The following ESR1 variants were observed in gnomAD, a reference collection of about 807,000 sequenced individuals.
ESR1 encodes estrogen receptor.
A neutral mutation model predicts 52.7 loss-of-function variants in ESR1; 12 were observed. The ratio of observed to expected loss-of-function variants is 0.23; its 90% CI spans 0.15 to 0.37. The LOEUF is 0.37. ESR1 is among the 10% of genes least tolerant of loss of function. The probability of loss-of-function intolerance (pLI) is 1.00; values close to 1 mark genes in which losing one functional copy is unlikely to be tolerated. For missense variants in ESR1, 584 were observed against 779.7 expected (o/e 0.75, Z 2.99); for synonymous variants, 305 against 316.8 (o/e 0.96, Z 0.39).
chr6:151,700,252 T>G (rs1779669864), intron 1 of ESR1, among the ~76,000 whole-genome samples: 1 of 152,172 alleles, frequency 6.6e-6, no homozygotes, highest in Non-Finnish European at 1.5e-5. Flanking sequence ...CTGACTTACA[T>G]GGAGAAAACA....
At chr6:151,935,531 G>A (rs1390311041) in intron 3 of ESR1, among the ~76,000 whole-genome samples, 1 of 152,154 alleles carries the variant, frequency 6.6e-6, no homozygotes, top group African/African-American at 2.4e-5. Flanking sequence ...ATGCAGGTGG[G>A]GCCCAGGTCA....
intron 4 of ESR1, among the ~76,000 whole-genome samples, chr6:151,997,561 T>C (rs1381335292): frequency 6.6e-6 from 1 of 152,134 alleles, no homozygotes. Context: ...ACTGCTAATA[T>C]GGATGCATTG....
intron 6 of ESR1, among the ~76,000 whole-genome samples, chr6:152,091,989 G>A (rs2050222204): frequency 6.6e-6 from 1 of 152,190 alleles, no homozygotes; most frequent in African/African-American, 2.4e-5. Context: ...AGGCTCTAGG[G>A]GATGTGAGGC....
rs114526595 is a variant in ESR1 at position 152,017,026 on chromosome 6, A to G, written c.1235+5232A>G. Among the ~76,000 whole-genome samples the G allele has an allele frequency of 4.9e-3, 751 of 152,294 alleles. 3 individuals carry two copies. Among genetic ancestry groups the G allele is most frequent in the African/African-American group, 0.017 (714 of 41,574 alleles). ...CAAATCTTTGCAAATCTAGGCATTT[A>G]TAAGACTATCCTGTAGGTCCCTTAC... On this transcript the variant is annotated intron_variant, in intron 5 of 7. Coordinates refer to ENST00000206249, the MANE Select transcript of ESR1 (RefSeq NM_000125.4).
chr6:152,101,629 T>C lies in ESR1; in HGVS notation c.*2663T>C, dbSNP rs2050968043. ...AGATATTTTCTGGCTGATGTTGGTA[T>C]TGGGTGTAGGAACATGATTTAAAAA... On this transcript the variant is annotated 3_prime_UTR_variant, in exon 8 of 8. Transcript: ENST00000206249. 2 of 230,742 alleles carry C rather than the reference T, an allele frequency of 8.7e-6. No individual in the cohort carries two copies. Among genetic ancestry groups the C allele is most frequent in the South Asian group, 3.6e-4 (2 of 5,482 alleles). 14.3% of individuals were successfully genotyped at this position (230,742 alleles called of 1,614,324 possible). A position where few individuals can be genotyped will look rare whatever the true frequency, so the allele number is the denominator to read the frequency against.
intron 4 of ESR1, among the ~76,000 whole-genome samples, chr6:151,991,888 G>A (rs1011552067): frequency 2.0e-5 from 3 of 151,944 alleles, no homozygotes; most frequent in African/African-American, 4.8e-5. Flanking sequence ...TCATCTTATC[G>A]GGCCACTCAT....
intron 4 of ESR1, among the ~76,000 whole-genome samples, chr6:151,996,808 TG>T (rs1186686483): frequency 6.6e-6 from 1 of 152,150 alleles, no homozygotes; most frequent in African/African-American, 2.4e-5. Context: ...GGAATGAAAT[TG>T]TTATTGATAT....
At chr6:151,954,146 C>T (rs2036644025) in intron 4 of ESR1, among the ~76,000 whole-genome samples, 1 of 152,184 alleles carries the variant, frequency 6.6e-6, no homozygotes, top group African/African-American at 2.4e-5. Flanking sequence ...TTGGGAACCC[C>T]TAGTTCCAGG....
intron 4 of ESR1, among the ~76,000 whole-genome samples, chr6:151,956,167 A>G (rs999212265): frequency 1.3e-5 from 2 of 152,184 alleles, no homozygotes. Flanking sequence ...TACTATTGTG[A>G]ATAGTGCTGT....
intron 4 of ESR1, among the ~76,000 whole-genome samples, chr6:151,970,431 C>A (rs1884054): frequency 0.51 from 77,117 of 151,740 alleles, 22,704 homozygotes; most frequent in Middle Eastern, 0.7. Context: ...GGAAGCAAAT[C>A]CCTTCAAGGT....
At chr6:151,781,825 G>A (rs551571694) in intron 2 of ESR1, among the ~76,000 whole-genome samples, 4 of 151,818 alleles carry the variant, frequency 2.6e-5, no homozygotes, top group Non-Finnish European at 5.9e-5. Context: ...ACTACTTTCA[G>A]CATAGGCTAT....
At chr6:151,840,126 C>G (rs1402205398) in intron 1 of ESR1, among the ~76,000 whole-genome samples, 1 of 152,124 alleles carries the variant, frequency 6.6e-6, no homozygotes, top group East Asian at 1.9e-4. Flanking sequence ...GGGCACTGAG[C>G]TAGATATAAC....
intron 6 of ESR1, among the ~76,000 whole-genome samples, chr6:152,080,904 C>A (rs2049146539): frequency 6.6e-6 from 1 of 150,580 alleles, no homozygotes; most frequent in Non-Finnish European, 1.5e-5. Flanking sequence ...ACAAAGACAG[C>A]CACAACAAGA....
chr6:152,038,647 T>TTA (rs1393218048), intron 5 of ESR1, among the ~76,000 whole-genome samples: 1 of 151,974 alleles, frequency 6.6e-6, no homozygotes, highest in Non-Finnish European at 1.5e-5. Context: ...TTTTTTTTTT[T>TTA]AAAAGATGGA....
chr6:151,754,524 A>G (rs1472091916), intron 2 of ESR1, among the ~76,000 whole-genome samples: 1 of 152,164 alleles, frequency 6.6e-6, no homozygotes, highest in Non-Finnish European at 1.5e-5. Context: ...GCCTTCATTT[A>G]TCTTACCTGG....
chr6:151,861,383 T>C (rs981045195), intron 2 of ESR1, among the ~76,000 whole-genome samples: 4 of 152,232 alleles, frequency 2.6e-5, no homozygotes, highest in African/African-American at 9.6e-5. Context: ...AAGGTAATTA[T>C]ATCAAATTGA....
chr6:151,739,719 T>A (rs1345475420), intron 2 of ESR1, among the ~76,000 whole-genome samples: 2 of 152,260 alleles, frequency 1.3e-5, no homozygotes, highest in African/African-American at 4.8e-5. Flanking sequence ...TTTTATTTCA[T>A]CTTGTTGGCC....
chr6:151,830,172 C>T (rs1352445380), intron 1 of ESR1, among the ~76,000 whole-genome samples: 1 of 152,172 alleles, frequency 6.6e-6, no homozygotes, highest in East Asian at 1.9e-4. Flanking sequence ...GGGTCTAGGA[C>T]TCTTGTAGTG....
At position 152,098,090 on chromosome 6, in the gene ESR1, A is replaced by G. The variant is rs556877554; in HGVS notation, c.1554-642A>G. ...AGGAACAGCAAGTGTAGGTCCCCTA[A>G]GTCTTGGGGGAGCTTAGTTCCTTTA... On this transcript the variant is annotated intron_variant, in intron 7 of 7. Coordinates refer to ENST00000206249, the MANE Select transcript of ESR1 (RefSeq NM_000125.4). This position sits in a 1 kb window ranked among gnomAD's most constrained non-coding sequence, Gnocchi z 5.1. Among the ~76,000 whole-genome samples, 5 of 151,940 alleles carry G rather than the reference A, an allele frequency of 3.3e-5. No homozygotes were observed. Among genetic ancestry groups the G allele is most frequent in the African/African-American group, 1.2e-4 (5 of 41,448 alleles).
Sources: allele counts gnomAD v4.1 joint callset (sites outside exome capture counted in the v4.1 genomes callset), GRCh38; gene constraint gnomAD v4.1.1; non-coding constraint Gnocchi (gnomAD v3.1); transcripts MANE v1.5; gene names NCBI Gene and HGNC (gene_info 2026-07-23, HGNC 2026-07-21).